The following ADCY2 variants were observed in gnomAD, a reference collection of about 807,000 sequenced individuals.
ADCY2 encodes adenylate cyclase type 2.
Under a neutral mutation model 125.2 loss-of-function variants are expected in ADCY2, and 31 were observed. The observed-to-expected ratio is 0.25, with a 90% CI of 0.19 to 0.33. The LOEUF (loss-of-function observed/expected upper bound fraction) is 0.33, where lower values mean the gene tolerates loss of function less well. Ranked by LOEUF, ADCY2 falls within the 10% of genes least tolerant of loss-of-function variation. The pLI, the probability that ADCY2 is intolerant of heterozygous loss-of-function variation, is 1.00. For synonymous variants in ADCY2, 512 were observed against 548.4 expected (o/e 0.93, Z 0.93); for missense variants, 904 against 1,418.2 (o/e 0.64, Z 5.82).
chr5:7,612,872 C>G (rs1737613590), intron 3 of ADCY2, among the ~76,000 whole-genome samples: 1 of 152,046 alleles, frequency 6.6e-6, no homozygotes, highest in Non-Finnish European at 1.5e-5. Flanking sequence ...AAGAATTAGC[C>G]AGGTGTGGTG....
chr5:7,511,225 A>G (rs1243172479), intron 2 of ADCY2, among the ~76,000 whole-genome samples: 1 of 152,188 alleles, frequency 6.6e-6, no homozygotes, highest in Non-Finnish European at 1.5e-5. Flanking sequence ...AAAATTTTCA[A>G]AAATATAAAA....
rs77817342 is a variant in ADCY2, at chr5:7,641,711, G to A, written c.720+15395G>A. Among the ~76,000 whole-genome samples, 1,129 of 152,008 alleles carry A rather than the reference G, an allele frequency of 7.4e-3. 12 individuals carry two copies. The highest frequency in any genetic ancestry group is 0.026 in the African/African-American group (1,058 of 41,460). Reference sequence around the variant, plus strand: ...CCCTCTAGTAGTCCCAGTGTCTATCGTCCCATCTTTATGTCCATGAGTACC... The same window carrying A: ...CCCTCTAGTAGTCCCAGTGTCTATCATCCCATCTTTATGTCCATGAGTACC... On this transcript the variant is annotated intron_variant, in intron 4 of 24. Transcript: ENST00000338316.
At chr5:7,698,886 C>A (rs902411362) in intron 7 of ADCY2, among the ~76,000 whole-genome samples, 2 of 152,024 alleles carry the variant, frequency 1.3e-5, no homozygotes, top group East Asian at 3.9e-4. Context: ...GATTTATAAT[C>A]CTTTGGGTAT....
chr5:7,655,306 T>C (rs948903663), intron 4 of ADCY2, among the ~76,000 whole-genome samples: 1 of 152,176 alleles, frequency 6.6e-6, no homozygotes, highest in East Asian at 1.9e-4. Flanking sequence ...CCATAGGATA[T>C]ATACAGGAAG....
chr5:7,533,100 TATATATACAC>T, intron 3 of ADCY2, among the ~76,000 whole-genome samples: 1 of 150,080 alleles, frequency 6.7e-6, no homozygotes, highest in Non-Finnish European at 1.5e-5. Context: ...TATATACATG[TATATATACAC>T]ATATATACAT....
chr5:7,663,093 C>T (rs769564904), intron 4 of ADCY2, among the ~76,000 whole-genome samples: 9 of 152,184 alleles, frequency 5.9e-5, no homozygotes, highest in South Asian at 4.1e-4. Context: ...TCCAGATCAA[C>T]GAATATATTG....
intron 2 of ADCY2, among the ~76,000 whole-genome samples, chr5:7,465,925 C>G (rs982859193): frequency 3.3e-5 from 5 of 152,078 alleles, no homozygotes; most frequent in African/African-American, 1.2e-4. Context: ...AAAGAAGATC[C>G]TAGACATCTA....
intron 4 of ADCY2, among the ~76,000 whole-genome samples, chr5:7,681,736 C>T (rs188062108): frequency 1.3e-5 from 2 of 152,100 alleles, no homozygotes; most frequent in African/African-American, 4.8e-5. Context: ...GGTACTCGCC[C>T]CAAGAGCAGT....
chr5:7,542,812 ATTGT>A (rs1249131041), intron 3 of ADCY2, among the ~76,000 whole-genome samples: 2 of 152,226 alleles, frequency 1.3e-5, no homozygotes, highest in Non-Finnish European at 2.9e-5. Flanking sequence ...CACCTAGATA[ATTGT>A]TTGAGAATAA....
At chr5:7,443,808 G>A (rs1741114527) in intron 2 of ADCY2, among the ~76,000 whole-genome samples, 1 of 151,862 alleles carries the variant, frequency 6.6e-6, no homozygotes, top group South Asian at 2.1e-4. Context: ...TGCATTTCAC[G>A]AAATACATAG....
At chr5:7,643,778 A>T (rs1334944316) in intron 4 of ADCY2, among the ~76,000 whole-genome samples, 1 of 151,300 alleles carries the variant, frequency 6.6e-6, no homozygotes, top group Non-Finnish European at 1.5e-5. Flanking sequence ...CCTGATACTT[A>T]GTGTTGTTTC....
intron 14 of ADCY2, among the ~76,000 whole-genome samples, chr5:7,740,478 T>C (rs185049460): frequency 1.1e-4 from 17 of 152,160 alleles, no homozygotes; most frequent in African/African-American, 1.4e-4. Context: ...GTTCCTTCAA[T>C]AGTTATATTT....
chr5:7,511,785 G>C (rs1348284625), intron 2 of ADCY2, among the ~76,000 whole-genome samples: 1 of 152,054 alleles, frequency 6.6e-6, no homozygotes, highest in Non-Finnish European at 1.5e-5. Flanking sequence ...GGGACCAGCA[G>C]GAGGGCCGGT....
chr5:7,397,600 T>A (rs1453651574), intron 1 of ADCY2, among the ~76,000 whole-genome samples: 1 of 152,154 alleles, frequency 6.6e-6, no homozygotes, highest in African/African-American at 2.4e-5. Flanking sequence ...TCACCATGCA[T>A]AAAATAGCTG....
intron 2 of ADCY2, among the ~76,000 whole-genome samples, chr5:7,459,376 G>A (rs1238218691): frequency 2.6e-5 from 4 of 152,114 alleles, no homozygotes; most frequent in East Asian, 1.9e-4. Context: ...GGTGTCTTGC[G>A]GTTGCTGTTT....
intron 4 of ADCY2, among the ~76,000 whole-genome samples, chr5:7,680,673 A>G (rs1224361191): frequency 6.6e-6 from 1 of 152,230 alleles, no homozygotes; most frequent in East Asian, 1.9e-4. Flanking sequence ...AGATTTCTCA[A>G]TGCATTACAT....
intron 7 of ADCY2, among the ~76,000 whole-genome samples, chr5:7,704,884 A>G (rs1056067507): frequency 1.3e-5 from 2 of 152,066 alleles, no homozygotes; most frequent in African/African-American, 2.4e-5. Flanking sequence ...TCTCCAAAAA[A>G]AAAAAAAAAA....
intron 3 of ADCY2, among the ~76,000 whole-genome samples, chr5:7,580,349 A>G (rs1281527443): frequency 1.3e-5 from 2 of 152,186 alleles, no homozygotes; most frequent in Non-Finnish European, 2.9e-5. Flanking sequence ...AGCAAAAGAA[A>G]GTACAGTGAA....
intron 4 of ADCY2, 90 bp from the exon 5 acceptor site, chr5:7,690,601 T>A: frequency 4.9e-6 from 6 of 1,225,394 alleles, no homozygotes; most frequent in Non-Finnish European, 6.4e-6. Context: ...AAACTGGCCT[T>A]CCTACAAATC....
Sources: gnomAD v4.1 joint callset for allele counts (sites outside exome capture counted in the v4.1 genomes callset) on GRCh38, gnomAD v4.1.1 for gene constraint, MANE v1.5 for transcripts, NCBI Gene and HGNC (gene_info 2026-07-23, HGNC 2026-07-21) for gene names.